Variants in CFAP92 observed in about 807,000 individuals in gnomAD.
CFAP92 encodes uncharacterized protein CFAP92.
In CFAP92, 86 loss-of-function variants were observed where a neutral mutation model predicts 106.3. That is an observed-to-expected ratio of 0.81 (90% CI 0.68 to 0.97). The LOEUF (loss-of-function observed/expected upper bound fraction) is 0.97. CFAP92 is among the 50% of genes least tolerant of loss of function. The probability of loss-of-function intolerance (pLI) is 0.00; values close to 1 mark genes in which losing one functional copy is unlikely to be tolerated. For synonymous variants in CFAP92, 477 were observed against 506.4 expected, an observed-to-expected ratio of 0.94 and a Z score of 0.78; for missense variants, 1,204 against 1,283.8, an observed-to-expected ratio of 0.94 and a Z score of 0.95.
chr3:129,005,924 CTTCT>C (rs1170235968), upstream of CFAP92, among the ~76,000 whole-genome samples: 1 of 152,266 alleles, frequency 6.6e-6, no homozygotes, highest in Non-Finnish European at 1.5e-5. Context: ...TAAAGGGGCT[CTTCT>C]TTGTTTATTT....
intron 10 of CFAP92, among the ~76,000 whole-genome samples, chr3:128,942,490 C>G (rs940589029): frequency 2.6e-5 from 4 of 152,164 alleles, no homozygotes; most frequent in Admixed American, 6.6e-5. Flanking sequence ...AGCCCCCATC[C>G]CGAAGCACCT....
intron 2 of CFAP92, among the ~76,000 whole-genome samples, chr3:128,989,242 A>T (rs1286930855): frequency 6.6e-6 from 1 of 151,054 alleles, no homozygotes; most frequent in Non-Finnish European, 1.5e-5. Flanking sequence ...ATTAGGAGAG[A>T]CGCCATACTT....
rs551652750 is a variant in CFAP92, at chr3:128,913,450, G to A, written c.3280+1669C>T. Among the ~76,000 whole-genome samples, 6 of 147,702 alleles carry A rather than the reference G, an allele frequency of 4.1e-5. No individual in the cohort carries two copies. The East Asian group carries it at 1.2e-3, about 29-fold the overall frequency. On this transcript the variant is annotated intron_variant, in intron 15 of 15. Transcript: ENST00000645291. ...GCCAGCAGGCCTTTGCATTTCTCCA[G>A]CCTCCCTTCTGCTGGCACTTGAAAG...
At chr3:128,910,741 G>T in intron 15 of CFAP92, 6 of 1,614,184 alleles carry the variant, frequency 3.7e-6, no homozygotes, top group Non-Finnish European at 4.2e-6. Context: ...GTTCTGGCAG[G>T]TTCTCTTGGC....
chr3:128,920,105 CAAG>C (rs1257034585), intron 12 of CFAP92, among the ~76,000 whole-genome samples: 2 of 152,152 alleles, frequency 1.3e-5, no homozygotes, highest in Non-Finnish European at 2.9e-5. Flanking sequence ...AAGTATCAGA[CAAG>C]AACATTAAAA....
At chr3:128,957,866 C>G (rs911460121) in intron 9 of CFAP92, among the ~76,000 whole-genome samples, 2 of 152,124 alleles carry the variant, frequency 1.3e-5, no homozygotes, top group Non-Finnish European at 2.9e-5. Flanking sequence ...AATTTATTGT[C>G]TCCCTGTTCT....
At chr3:128,956,234 T>TAAAA (rs59881774) in intron 9 of CFAP92, among the ~76,000 whole-genome samples, 57,259 of 103,450 alleles carry the variant, frequency 0.55, 14,830 homozygotes, top group African/African-American at 0.78. Context: ...AAAAAGAAAA[T>TAAAA]AGAAAGAAAA....
chr3:128,980,320 T>C (rs980857161), intron 4 of CFAP92, among the ~76,000 whole-genome samples: 2 of 139,246 alleles, frequency 1.4e-5, no homozygotes, highest in African/African-American at 5.5e-5. Context: ...TGAGCCATGA[T>C]CACACCACTG....
chr3:128,921,396 C>T (rs1683780), intron 12 of CFAP92, among the ~76,000 whole-genome samples: 57,864 of 152,122 alleles, frequency 0.38, 12,406 homozygotes, highest in East Asian at 0.58. Context: ...CAGCTTCTTA[C>T]ATACAATAAT....
chr3:128,918,558 A>C (rs1281538447), intron 12 of CFAP92, among the ~76,000 whole-genome samples: 1 of 152,214 alleles, frequency 6.6e-6, no homozygotes, highest in East Asian at 1.9e-4. Context: ...GTTAGCAAGT[A>C]ATGTCCGATA....
intron 10 of CFAP92, among the ~76,000 whole-genome samples, chr3:128,943,919 CG>C (rs1559879091): frequency 1.2e-5 from 1 of 86,940 alleles, no homozygotes; most frequent in East Asian, 3.0e-4. Flanking sequence ...TTATTTCCCC[CG>C]TTTTTTTTTT....
Position 128,973,359 on chromosome 3 carries a change from A to G in CFAP92, c.1022-1926T>C, listed in dbSNP as rs1021076022. 1.6e-4 allele frequency among the ~76,000 whole-genome samples: 24 copies of G among 152,026 alleles called. 1 individual carries two copies. ...ATCCTCAGGACTGCAAGCAGGGGGG[A>G]ACAGATGCCGCCTGAGGCCGGGCCC... On this transcript the variant is annotated intron_variant, in intron 7 of 15. Coordinates refer to ENST00000645291, the MANE Select transcript of CFAP92 (RefSeq NM_001394090.1).
At chr3:128,913,743 G>T (rs1284396097) in intron 15 of CFAP92, among the ~76,000 whole-genome samples, 1 of 152,160 alleles carries the variant, frequency 6.6e-6, no homozygotes, top group Non-Finnish European at 1.5e-5. Flanking sequence ...TTAAAATGGG[G>T]AAAGTTTGTA....
chr3:128,953,301 G>A (rs1409009299), intron 9 of CFAP92, among the ~76,000 whole-genome samples: 1 of 150,972 alleles, frequency 6.6e-6, no homozygotes, highest in Non-Finnish European at 1.5e-5. Flanking sequence ...AGATCACGAG[G>A]TCAGGAGATC....
At chr3:128,986,240 C>CTT (rs144649397) in intron 4 of CFAP92, among the ~76,000 whole-genome samples, 2 of 139,078 alleles carry the variant, frequency 1.4e-5, no homozygotes, top group African/African-American at 2.7e-5. Flanking sequence ...ATCTGTTTTA[C>CTT]TTTTTTTTTT....
chr3:128,948,978 T>A (rs527806231), intron 9 of CFAP92, among the ~76,000 whole-genome samples: 14 of 152,340 alleles, frequency 9.2e-5, no homozygotes, highest in African/African-American at 3.4e-4. Context: ...AACATCATTA[T>A]CCGTCAGGGA....
upstream of CFAP92, among the ~76,000 whole-genome samples, chr3:128,998,255 T>C (rs1944555137): frequency 6.6e-6 from 1 of 152,254 alleles, no homozygotes; most frequent in Non-Finnish European, 1.5e-5. Flanking sequence ...TTCGTCATAT[T>C]TTCTTAATAG....
rs758845674 is a variant in CFAP92, at chr3:128,910,823, A to G, written c.3281-490T>C. The G allele has an allele frequency of 7.4e-6, 12 of 1,613,986 alleles. No homozygotes were observed. The Admixed American group carries it at 2.0e-4, about 27-fold the overall frequency. On this transcript the variant is annotated intron_variant, in intron 15 of 15. Transcript: ENST00000645291. ...TCTCAGCTGGACAAGTGTGAGTGGCATGTCTTGGGGGAGGGAAGGAAGGGC... is the reference window on the plus strand; with the variant it reads ...TCTCAGCTGGACAAGTGTGAGTGGCGTGTCTTGGGGGAGGGAAGGAAGGGC...
In CFAP92 at chr3:128,999,621, C is replaced by T. The variant is rs536619399; in HGVS notation, n.117+2953G>A. ...TGGCAGGATCTCAGCTTACTGCAACCTCCGCCTCCCAGGTTCAAGCGATTC... is the reference window on the plus strand; with the variant it reads ...TGGCAGGATCTCAGCTTACTGCAACTTCCGCCTCCCAGGTTCAAGCGATTC... On this transcript the variant is annotated intron_variant and non_coding_transcript_variant, in intron 1 of 4. Coordinates refer to the CFAP92 transcript ENST00000510149. Among the ~76,000 whole-genome samples, 160 of 148,406 alleles carry T rather than the reference C, an allele frequency of 1.1e-3. 1 individual carries two copies. Among genetic ancestry groups the T allele is most frequent in the East Asian group, 2.2e-3 (11 of 4,988 alleles).
Sources: gnomAD v4.1 joint callset for allele counts (sites outside exome capture counted in the v4.1 genomes callset) on GRCh38, gnomAD v4.1.1 for gene constraint, MANE v1.5 for transcripts, NCBI Gene and HGNC (gene_info 2026-07-23, HGNC 2026-07-21) for gene names.